UNC5C: variants seen among roughly 807,000 people sequenced by gnomAD.
UNC5C encodes the protein unc-5 netrin receptor C.
Under a neutral mutation model 99.8 loss-of-function variants are expected in UNC5C, and 47 were observed. The observed-to-expected ratio is 0.47, with a 90% CI of 0.37 to 0.60. The LOEUF is 0.60. Among genes scored for constraint, UNC5C ranks in the 20% least tolerant of loss-of-function variants. The probability of loss-of-function intolerance (pLI) is 0.00; values close to 1 mark genes in which losing one functional copy is unlikely to be tolerated. For synonymous variants in UNC5C, 487 were observed against 452.2 expected (o/e 1.08, Z -0.98); for missense variants, 1,062 against 1,165.9 (o/e 0.91, Z 1.30).
chr4:95,493,959 C>T (rs74993855), intron 1 of UNC5C, among the ~76,000 whole-genome samples: 2,847 of 151,480 alleles, frequency 0.019, 78 homozygotes, highest in African/African-American at 0.065. Flanking sequence ...AAAATTGTAT[C>T]TGCCAAAGAT....
In UNC5C at chr4:95,444,235, G is replaced by A. The variant is rs140710193; in HGVS notation, c.124+104499C>T. 1.2e-3 allele frequency among the ~76,000 whole-genome samples: 180 copies of A among 152,170 alleles called. 1 individual carries two copies. The highest frequency in any genetic ancestry group is 2.1e-3 in the Non-Finnish European group (144 of 68,014). On this transcript the variant is annotated intron_variant, in intron 1 of 15. Coordinates refer to ENST00000453304, the MANE Select transcript of UNC5C (RefSeq NM_003728.4). Reference sequence around the variant, plus strand: ...CTCTTTCTCCTTTATTCACCATGGGGTCTTGGAAGTTCACTGTGGGCCTCA... The same window carrying A: ...CTCTTTCTCCTTTATTCACCATGGGATCTTGGAAGTTCACTGTGGGCCTCA...
rs2149343262 is a variant in UNC5C at position 95,170,174 on chromosome 4, G to T, written c.2610C>A (p.Ala870=). ...QTRGHDWRML[A]HKLNLDRYLN... ...CCCACCTGTCCAGGTTCAGCTTATGGGCCAGCATCCTCCAGTCATGGCCTC... is the reference window on the plus strand; with the variant it reads ...CCCACCTGTCCAGGTTCAGCTTATGTGCCAGCATCCTCCAGTCATGGCCTC... The change falls in exon 15 of 16, where the codon GCC becomes GCA. Residue 870 remains alanine (A), a synonymous_variant. Coordinates refer to ENST00000453304, the MANE Select transcript of UNC5C (RefSeq NM_003728.4). 6.2e-7 allele frequency: 1 copy of T among 1,614,096 alleles called. No homozygotes were observed. Among genetic ancestry groups the T allele is most frequent in the East Asian group, 2.2e-5 (1 of 44,866 alleles).
rs1429051899 is a variant in UNC5C, at chr4:95,348,765, T to C, written c.125-13134A>G. The stretch of plus-strand genomic sequence containing the variant: ...TACAATCTATAAAAAAGATTTTTTA[T>C]GACTGAATGGTATTTAGTTATAAAA... On this transcript the variant is annotated intron_variant, in intron 1 of 15. Transcript: ENST00000453304. Among the ~76,000 whole-genome samples, 3 of 151,598 alleles carry C rather than the reference T, an allele frequency of 2.0e-5. No homozygotes were observed. The East Asian group carries it at 6.0e-4, about 30-fold the overall frequency.
chr4:95,473,032 A>T, intron 1 of UNC5C, among the ~76,000 whole-genome samples: 1 of 152,128 alleles, frequency 6.6e-6, no homozygotes, highest in Non-Finnish European at 1.5e-5. Context: ...ACTGTTACTC[A>T]AATATCTTAT....
At chr4:95,520,755 C>T (rs527539874) in intron 1 of UNC5C, among the ~76,000 whole-genome samples, 8 of 151,860 alleles carry the variant, frequency 5.3e-5, no homozygotes, top group Admixed American at 3.3e-4. Context: ...CCGGCCACCA[C>T]GCCCAGCTAA....
chr4:95,182,713 TA>T (rs1314844392), intron 14 of UNC5C, among the ~76,000 whole-genome samples, 183 bp downstream of exon 14: 8 of 151,876 alleles, frequency 5.3e-5, no homozygotes, highest in East Asian at 3.9e-4. Context: ...AATATATATA[TA>T]TTTTTTTCTG....
intron 4 of UNC5C, among the ~76,000 whole-genome samples, chr4:95,264,141 T>C (rs909800804): frequency 2.0e-5 from 3 of 152,164 alleles, no homozygotes; most frequent in African/African-American, 7.2e-5. Flanking sequence ...TGTGATATAA[T>C]TCTGTAAGGA....
At chr4:95,466,285 A>T (rs867003592) in intron 1 of UNC5C, among the ~76,000 whole-genome samples, 1 of 152,320 alleles carries the variant, frequency 6.6e-6, no homozygotes, top group East Asian at 1.9e-4. Flanking sequence ...TACCCAAAAT[A>T]GGCAAAAATC....
chr4:95,414,312 T>A (rs1223748338), intron 1 of UNC5C, among the ~76,000 whole-genome samples: 1 of 151,780 alleles, frequency 6.6e-6, no homozygotes, highest in Non-Finnish European at 1.5e-5. Context: ...ACGAAGAAAT[T>A]AAGCAAGGGT....
intron 1 of UNC5C, among the ~76,000 whole-genome samples, chr4:95,397,731 G>A (rs964585189): frequency 5.3e-5 from 8 of 152,118 alleles, no homozygotes; most frequent in Admixed American, 2.6e-4. Context: ...ACAAATGTCC[G>A]TATACTGAAA....
At chr4:95,273,032 C>T (rs1324358728) in intron 4 of UNC5C, among the ~76,000 whole-genome samples, 1 of 152,202 alleles carries the variant, frequency 6.6e-6, no homozygotes, top group Non-Finnish European at 1.5e-5. Flanking sequence ...CAGTTTTCTG[C>T]CCTGTCAGTA....
rs1365209695 is a variant in UNC5C at position 95,168,340 on chromosome 4, G to A, written c.*894C>T. 2 of 152,088 alleles carry A rather than the reference G, an allele frequency of 1.3e-5. No homozygotes were observed. Among genetic ancestry groups the A allele is most frequent in the Non-Finnish European group, 2.9e-5 (2 of 68,016 alleles). 9.4% of individuals were successfully genotyped at this position (152,088 alleles called of 1,614,324 possible). A position where few individuals can be genotyped will look rare whatever the true frequency, so the allele number is the denominator to read the frequency against. Reference sequence around the variant, plus strand: ...CTTGATAGGTGAAAAGGTGGGACAGGTCTAGTCAATAACCAAATACTAACA... The same window carrying A: ...CTTGATAGGTGAAAAGGTGGGACAGATCTAGTCAATAACCAAATACTAACA... On this transcript the variant is annotated 3_prime_UTR_variant, in exon 16 of 16. Coordinates refer to ENST00000453304, the MANE Select transcript of UNC5C (RefSeq NM_003728.4).
chr4:95,317,692 C>T (rs1742529120), intron 2 of UNC5C, among the ~76,000 whole-genome samples: 1 of 152,062 alleles, frequency 6.6e-6, no homozygotes, highest in South Asian at 2.1e-4. Context: ...GAGTAGAAGG[C>T]AGCAGACTGG....
chr4:95,505,433 C>T (rs1044323802), intron 1 of UNC5C, among the ~76,000 whole-genome samples: 4 of 152,084 alleles, frequency 2.6e-5, no homozygotes, highest in African/African-American at 9.7e-5. Flanking sequence ...CATCAAAGAC[C>T]ATGATTCAGC....
At chr4:95,307,148 A>G (rs1337952108) in intron 2 of UNC5C, among the ~76,000 whole-genome samples, 1 of 152,156 alleles carries the variant, frequency 6.6e-6, no homozygotes, top group Non-Finnish European at 1.5e-5. Context: ...TTCAGAATCA[A>G]GACTTCATGT....
chr4:95,183,861 A>G (rs1443364454), intron 13 of UNC5C, among the ~76,000 whole-genome samples: 2 of 152,218 alleles, frequency 1.3e-5, no homozygotes, highest in African/African-American at 2.4e-5. Flanking sequence ...CCTATCTGCA[A>G]AAGAGTAAAC....
intron 2 of UNC5C, among the ~76,000 whole-genome samples, chr4:95,328,140 G>T (rs1311989131): frequency 1.0e-5 from 1 of 98,800 alleles, no homozygotes. Context: ...ATGTATACAT[G>T]TGCCATGCTG....
intron 4 of UNC5C, among the ~76,000 whole-genome samples, chr4:95,278,001 T>C (rs1402743890): frequency 6.6e-6 from 1 of 152,214 alleles, no homozygotes; most frequent in Admixed American, 6.5e-5. Flanking sequence ...AATAAAGCAG[T>C]ATTTCTGATT....
At chr4:95,508,861 G>T (rs1721994573) in intron 1 of UNC5C, among the ~76,000 whole-genome samples, 1 of 151,854 alleles carries the variant, frequency 6.6e-6, no homozygotes, top group Non-Finnish European at 1.5e-5. Context: ...AAATTTATTG[G>T]AGGAGTAAAC....
Sources: allele counts gnomAD v4.1 joint callset (sites outside exome capture counted in the v4.1 genomes callset), GRCh38; gene constraint gnomAD v4.1.1; transcripts MANE v1.5; gene names NCBI Gene and HGNC (gene_info 2026-07-23, HGNC 2026-07-21).